RANGAP1: variants seen among roughly 807,000 people sequenced by gnomAD.
RANGAP1 encodes the protein ran GTPase-activating protein 1.
In RANGAP1, 38 loss-of-function variants were observed where a neutral mutation model predicts 63.5. The ratio of observed to expected loss-of-function variants is 0.60; its 90% CI spans 0.46 to 0.78. The LOEUF is 0.78. Among genes scored for constraint, RANGAP1 ranks in the 30% least tolerant of loss-of-function variants. RANGAP1 has a pLI of 0.00. For synonymous variants in RANGAP1, 329 were observed against 310.5 expected (o/e 1.06, Z -0.63); for missense variants, 630 against 740.3 (o/e 0.85, Z 1.73).
intron 11 of RANGAP1, among the ~76,000 whole-genome samples, chr22:41,253,965 A>C (rs1209733993): frequency 6.6e-6 from 1 of 152,004 alleles, no homozygotes; most frequent in Non-Finnish European, 1.5e-5. Context: ...AAAATTAGCC[A>C]GGCGTGGTGG....
chr22:41,262,626 G>T (rs2034238581), intron 5 of RANGAP1, among the ~76,000 whole-genome samples: 1 of 152,208 alleles, frequency 6.6e-6, no homozygotes, highest in Non-Finnish European at 1.5e-5. Context: ...GCCAGCACCT[G>T]CCTGACTCCA....
intron 2 of RANGAP1, among the ~76,000 whole-genome samples, chr22:41,277,302 TCTC>T (rs1365405462): frequency 6.6e-6 from 1 of 151,854 alleles, no homozygotes; most frequent in Non-Finnish European, 1.5e-5. Context: ...ATGGTCTCGA[TCTC>T]CTGACCTCGT....
intron 3 of RANGAP1, 65 bp downstream of exon 3, chr22:41,274,535 G>A (rs1326463215): frequency 5.0e-6 from 8 of 1,597,732 alleles, no homozygotes; most frequent in Non-Finnish European, 6.8e-6. Flanking sequence ...ACAGGCAGGG[G>A]TTGTGGAAGT....
intron 5 of RANGAP1, among the ~76,000 whole-genome samples, chr22:41,263,092 G>C (rs2034265723): frequency 6.6e-6 from 1 of 152,038 alleles, no homozygotes; most frequent in Admixed American, 6.6e-5. Context: ...CAAACTCCAG[G>C]GTAGGCCTGT....
intron 3 of RANGAP1, among the ~76,000 whole-genome samples, chr22:41,269,050 G>C (rs939106236): frequency 2.0e-5 from 3 of 152,160 alleles, no homozygotes; most frequent in Non-Finnish European, 4.4e-5. Flanking sequence ...ATTCATAGAA[G>C]TGCTTTGAAA....
chr22:41,254,227 C>T (rs2033663372), intron 11 of RANGAP1, 81 bp downstream of exon 11: 1 of 1,524,956 alleles, frequency 6.6e-7, no homozygotes, highest in Non-Finnish European at 9.1e-7. Flanking sequence ...AGGAGACACC[C>T]CCTACCCCAT....
chr22:41,285,632 C>G, intron 1 of RANGAP1: 1 of 985,460 alleles, frequency 1.0e-6, no homozygotes. Flanking sequence ...CGCGCGAATA[C>G]AGGCCGCAAA....
chr22:41,289,105 T>C (rs2035807193), upstream of RANGAP1, among the ~76,000 whole-genome samples: 1 of 151,408 alleles, frequency 6.6e-6, no homozygotes, highest in African/African-American at 2.4e-5. Context: ...GTATTTTTAG[T>C]AGAGACGGTT....
At chr22:41,250,897 G>C in intron 13 of RANGAP1, 110 bp downstream of exon 13, 2 of 867,436 alleles carry the variant, frequency 2.3e-6, no homozygotes, top group South Asian at 3.1e-5. Flanking sequence ...CCAAAGAGCA[G>C]TTCCCATGAG....
intron 2 of RANGAP1, 194 bp downstream of exon 2, chr22:41,280,739 A>T: frequency 6.6e-7 from 1 of 1,518,108 alleles, no homozygotes; most frequent in Non-Finnish European, 8.8e-7. Flanking sequence ...ACAAACATGG[A>T]AAGTGCAGGG....
Position 41,245,791 on chromosome 22 carries a change from GCTCGGACATTGGGGACCCTGC to G in RANGAP1, c.*791_*811del, listed in dbSNP as rs1412310774. 1.3e-5 allele frequency: 2 copies of G among 152,572 alleles called. No homozygotes were observed. Among genetic ancestry groups the G allele is most frequent in the African/African-American group, 4.8e-5 (2 of 41,434 alleles). The allele number at this position is 152,572 out of a possible 1,614,324, so 9.5% of individuals were successfully genotyped here. A position where few individuals can be genotyped will look rare whatever the true frequency, so the allele number is the denominator to read the frequency against. Reference sequence around the variant, plus strand: ...CCTTTAAGAGCAGCGTCCAGATGCAGCTCGGACATTGGGGACCCTGCCTCTCCCTCCCCAGACTGGAGAACA... The same window carrying G: ...CCTTTAAGAGCAGCGTCCAGATGCAGCTCTCCCTCCCCAGACTGGAGAACA... On this transcript the variant is annotated 3_prime_UTR_variant, in exon 16 of 16. Coordinates refer to ENST00000356244, the MANE Select transcript of RANGAP1 (RefSeq NM_002883.4).
chr22:41,248,276 G>A lies in RANGAP1; in HGVS notation c.1694+1054C>T, dbSNP rs552881290. ...TAGCACCTGGCAGAGGAGGGGAACA[G>A]TGAGATCTGCCATTCACCAAGGCCA... On this transcript the variant is annotated intron_variant, in intron 15 of 15. Coordinates refer to ENST00000356244, the MANE Select transcript of RANGAP1 (RefSeq NM_002883.4). 2.2e-3 allele frequency among the ~76,000 whole-genome samples: 328 copies of A among 152,336 alleles called. 2 individuals are homozygous for A. Among genetic ancestry groups the A allele is most frequent in the African/African-American group, 7.6e-3 (316 of 41,574 alleles).
intron 15 of RANGAP1, among the ~76,000 whole-genome samples, chr22:41,248,923 T>C (rs564470932): frequency 6.6e-6 from 1 of 152,302 alleles, no homozygotes; most frequent in East Asian, 1.9e-4. Flanking sequence ...TGCGCTGCTG[T>C]GAATGTGGAC....
Position 41,264,775 on chromosome 22 carries a change from T to C in RANGAP1, c.369A>G (p.Ala123=). 1.9e-6 allele frequency: 3 copies of C among 1,614,134 alleles called. No homozygotes were observed. The highest frequency in any genetic ancestry group is 1.7e-5 in the Admixed American group (1 of 60,022). The change falls in exon 5 of 16, where the codon GCA becomes GCG. Residue 123 remains alanine (A), a synonymous_variant. Transcript: ENST00000356244. The part of the protein sequence containing the change: ...QLVELDLSDN[A]FGPDGVQGFE... ...AGCCTTGCACACCGTCGGGCCCGAA[T>C]GCGTTGTCGCTTAAGTCCAGCTCCA...
In RANGAP1 at chr22:41,285,980, C is replaced by T. The variant is rs1057013797; in HGVS notation, c.-39+6G>A. ...GACGGGGAAAGGAAAGGGACCCTGACTCTACCGTAAACAGGCGGCGCCGCC... is the reference window on the plus strand; with the variant it reads ...GACGGGGAAAGGAAAGGGACCCTGATTCTACCGTAAACAGGCGGCGCCGCC... On this transcript the variant is annotated splice_donor_region_variant and intron_variant, in intron 1 of 15. Coordinates refer to ENST00000356244, the MANE Select transcript of RANGAP1 (RefSeq NM_002883.4). 5 of 152,634 alleles carry T rather than the reference C, an allele frequency of 3.3e-5. No homozygotes were observed. Among genetic ancestry groups the T allele is most frequent in the African/African-American group, 1.2e-4 (5 of 41,464 alleles). 9.5% of individuals were successfully genotyped at this position (152,634 alleles called of 1,614,324 possible).
chr22:41,269,669 G>C (rs1480145325), intron 3 of RANGAP1, among the ~76,000 whole-genome samples: 1 of 150,922 alleles, frequency 6.6e-6, no homozygotes, highest in Non-Finnish European at 1.5e-5. Flanking sequence ...TGAAAACCGG[G>C]AGGCAGAGGT....
In RANGAP1 at chr22:41,274,739, C is replaced by CA. The variant is rs2035038141; in HGVS notation, c.113-13dup. The CA allele has an allele frequency of 2.5e-6, 4 of 1,613,714 alleles. No individual in the cohort carries two copies. In the East Asian group the frequency reaches 6.7e-5, roughly 27 times the overall value. On this transcript the variant is annotated splice_polypyrimidine_tract_variant and intron_variant, in intron 2 of 15. Transcript: ENST00000356244. ...AATCACATCTTTAGCTGCCAGGGAC[C>CA]AAAGAGCAGAACCTTAGGCTTTTGG...
chr22:41,248,238 G>C (rs1041494323), intron 15 of RANGAP1, among the ~76,000 whole-genome samples: 3 of 152,238 alleles, frequency 2.0e-5, no homozygotes, highest in Non-Finnish European at 2.9e-5. Context: ...GAGATTCACA[G>C]TGAGGCTCTA....
chr22:41,286,976 A>G (rs1329981684), upstream of RANGAP1, among the ~76,000 whole-genome samples: 1 of 152,236 alleles, frequency 6.6e-6, no homozygotes, highest in African/African-American at 2.4e-5. Flanking sequence ...GATTACAGGA[A>G]ACGAAAAAGA....
Sources: allele counts gnomAD v4.1 joint callset (sites outside exome capture counted in the v4.1 genomes callset), GRCh38; gene constraint gnomAD v4.1.1; transcripts MANE v1.5; gene names NCBI Gene and HGNC (gene_info 2026-07-23, HGNC 2026-07-21).